ZNF800: variants seen among roughly 807,000 people sequenced by gnomAD.
ZNF800 encodes zinc finger protein 800.
A neutral mutation model predicts 59.5 loss-of-function variants in ZNF800; 13 were observed. The observed-to-expected ratio is 0.22, with a 90% CI of 0.14 to 0.35. The LOEUF (loss-of-function observed/expected upper bound fraction) is 0.35, where lower values mean the gene tolerates loss of function less well. Among genes scored for constraint, ZNF800 ranks in the 10% least tolerant of loss-of-function variants. The pLI, the probability that ZNF800 is intolerant of heterozygous loss-of-function variation, is 1.00. For synonymous variants in ZNF800, 266 were observed against 265.7 expected, an observed-to-expected ratio of 1.00 and a Z score of -0.01; for missense variants, 621 against 783.7, an observed-to-expected ratio of 0.79 and a Z score of 2.48.
rs574511576 is a variant in ZNF800, at chr7:127,364,280, G to C, written n.224+9062C>G. ...AACTTTCAACCGAAATGTAGGGGTAGAAAAAAATTACAGGTAGTTCACAAA... is the reference window on the plus strand; with the variant it reads ...AACTTTCAACCGAAATGTAGGGGTACAAAAAAATTACAGGTAGTTCACAAA... On this transcript the variant is annotated intron_variant and non_coding_transcript_variant, in intron 1 of 1. Transcript: ENST00000485577. 67 of 152,164 alleles carry C rather than the reference G, an allele frequency of 4.4e-4. 1 individual carries two copies. The highest frequency in any genetic ancestry group is 1.6e-3 in the African/African-American group (65 of 41,528). 9.4% of individuals were successfully genotyped at this position (152,164 alleles called of 1,614,324 possible). A position where few individuals can be genotyped will look rare whatever the true frequency, so the allele number is the denominator to read the frequency against.
intron 1 of ZNF800, among the ~76,000 whole-genome samples, chr7:127,353,830 T>C (rs762963814): frequency 4.7e-5 from 5 of 105,924 alleles, no homozygotes; most frequent in Non-Finnish European, 9.6e-5. Context: ...ATAATTGCAC[T>C]GATAGATAAG....
rs1358081168 is a variant in ZNF800, at chr7:127,374,021, C to A, written c.1315G>T (p.Glu439Ter). 6.2e-7 allele frequency: 1 copy of A among 1,613,410 alleles called. No individual in the cohort carries two copies. Among genetic ancestry groups the A allele is most frequent in the Non-Finnish European group, 8.5e-7 (1 of 1,179,810 alleles). Residue 439 changes from glutamate to a stop codon, truncating the protein, a stop_gained, in exon 5 of 6, where the codon GAA becomes TAA. Transcript: ENST00000265827. LOFTEE classifies it high-confidence loss of function. ...TGTGCTGCCGGTGTGTTCTTTTTTT[C>A]ATTTGAATGATTTGTTCCCTTTAAT... ...NELKGTNHSN[E>*]KKNTPAAQKN...
rs551554652 is a variant in ZNF800 at position 127,353,289 on chromosome 7, T to C, written n.225-5246A>G. 8.5e-5 allele frequency among the ~76,000 whole-genome samples: 13 copies of C among 152,334 alleles called. 1 individual carries two copies. The South Asian group carries it at 2.7e-3, about 32-fold the overall frequency. On this transcript the variant is annotated intron_variant and non_coding_transcript_variant, in intron 1 of 1. Coordinates refer to the ZNF800 transcript ENST00000485577. ...TCCATAGGAGAGAAACTTATAAATA[T>C]GGCAGGATCCTAACATGACTTAATC...
downstream of ZNF800, among the ~76,000 whole-genome samples, chr7:127,346,072 G>A (rs376858489): frequency 6.6e-6 from 1 of 152,284 alleles, no homozygotes; most frequent in East Asian, 1.9e-4. Flanking sequence ...GCTGGGATTC[G>A]GGGCATGACA....
chr7:127,356,732 A>G (rs906201132), intron 1 of ZNF800, among the ~76,000 whole-genome samples: 3 of 151,908 alleles, frequency 2.0e-5, no homozygotes, highest in Non-Finnish European at 2.9e-5. Context: ...AGAAAGAGAA[A>G]CCATTTTCAA....
intron 1 of ZNF800, among the ~76,000 whole-genome samples, chr7:127,352,948 T>A (rs1800195219): frequency 1.7e-5 from 1 of 58,654 alleles, no homozygotes; most frequent in Non-Finnish European, 3.1e-5. Flanking sequence ...ATGGAAATGA[T>A]GAGAAAAGGA....
At chr7:127,383,937 A>G (rs973345874) in intron 3 of ZNF800, among the ~76,000 whole-genome samples, 2 of 152,214 alleles carry the variant, frequency 1.3e-5, no homozygotes, top group Non-Finnish European at 2.9e-5. Flanking sequence ...TCGCAGTTCA[A>G]AACATCAACA....
downstream of ZNF800, among the ~76,000 whole-genome samples, chr7:127,365,054 T>C (rs1311178093): frequency 6.6e-6 from 1 of 152,140 alleles, no homozygotes; most frequent in African/African-American, 2.4e-5. Flanking sequence ...GCAAGCTGCA[T>C]TTCATGGAAT....
rs1009593504 is a variant in ZNF800, at chr7:127,373,693, T to C, written c.1643A>G (p.Tyr548Cys). ...TAAACTGGCTGTTATTTTCCCAAGATAACGAGATGACTTTTTATGAACCAC... is the reference window on the plus strand; with the variant it reads ...TAAACTGGCTGTTATTTTCCCAAGACAACGAGATGACTTTTTATGAACCAC... ...ITVVHKKSSR[Y>C]LGKITASLEI... Residue 548 changes from tyrosine (Y) to cysteine (C), a missense_variant, in exon 5 of 6, where the codon TAT becomes TGT. Coordinates refer to ENST00000265827, the MANE Select transcript of ZNF800 (RefSeq NM_176814.5). The C allele has an allele frequency of 1.7e-5, 27 of 1,614,052 alleles. No homozygotes were observed. Among genetic ancestry groups the C allele is most frequent in the Non-Finnish European group, 2.0e-5 (24 of 1,180,002 alleles).
In ZNF800 at chr7:127,380,357, T is replaced by TCC. The variant is rs1800938975; in HGVS notation, c.158-3029_158-3028insGG. 2.6e-5 allele frequency among the ~76,000 whole-genome samples: 4 copies of TCC among 152,320 alleles called. No individual in the cohort carries two copies. In the South Asian group the frequency reaches 8.3e-4, roughly 32 times the overall value. Reference sequence around the variant, plus strand: ...CAGAGCTCTATGTATTAAAAAAACCTTCTCTAAAAATTAGATTTTTTAAAT... The same window carrying TCC: ...CAGAGCTCTATGTATTAAAAAAACCTCCTCTCTAAAAATTAGATTTTTTAAAT... On this transcript the variant is annotated intron_variant, in intron 3 of 5. Transcript: ENST00000265827.
At chr7:127,375,617 T>C (rs947110239) in intron 4 of ZNF800, among the ~76,000 whole-genome samples, 1 of 152,098 alleles carries the variant, frequency 6.6e-6, no homozygotes, top group Admixed American at 6.5e-5. Context: ...CTATTACATG[T>C]CTTCTTAACA....
intron 1 of ZNF800, among the ~76,000 whole-genome samples, chr7:127,349,315 A>C (rs187621945): frequency 7.7e-4 from 117 of 152,338 alleles, no homozygotes; most frequent in Admixed American, 1.4e-3. Flanking sequence ...TAAAATTTTA[A>C]GTTAATACCT....
At position 127,374,769 on chromosome 7, in the gene ZNF800, T is replaced by C. The variant is rs968014510; in HGVS notation, c.567A>G (p.Glu189=). Residue 189 remains glutamate (E), a synonymous_variant, in exon 5 of 6, where the codon GAA becomes GAG. Coordinates refer to ENST00000265827, the MANE Select transcript of ZNF800 (RefSeq NM_176814.5). The part of the protein sequence containing the change: ...KTVPVTDTEV[E]TVEPPPVEIV... ...TCTCAACAGGAGGGGGCTCTACAGT[T>C]TCCACCTCTGTATCTGTAACCGGTA... 1.9e-6 allele frequency: 3 copies of C among 1,613,716 alleles called. No individual in the cohort carries two copies. Among genetic ancestry groups the C allele is most frequent in the African/African-American group, 2.7e-5 (2 of 74,898 alleles).
chr7:127,391,837 C>G (rs891373100), intron 1 of ZNF800, among the ~76,000 whole-genome samples: 13 of 151,982 alleles, frequency 8.6e-5, no homozygotes, highest in African/African-American at 2.7e-4. Context: ...GTGCGCAGCG[C>G]AGGGCGAAGG....
chr7:127,386,760 G>A (rs10251884), intron 2 of ZNF800, among the ~76,000 whole-genome samples: 142,304 of 152,316 alleles, frequency 0.93, 66,542 homozygotes, highest in East Asian at 1. Context: ...TAAATAAACT[G>A]TGAAATGTCC....
At chr7:127,378,142 G>A (rs1800840597) in intron 3 of ZNF800, among the ~76,000 whole-genome samples, 2 of 151,970 alleles carry the variant, frequency 1.3e-5, no homozygotes, top group African/African-American at 2.4e-5. Context: ...ATTTACAAGT[G>A]TAACGTATTC....
Position 127,392,706 on chromosome 7 carries a change from A to C in ZNF800, c.-705T>G, listed in dbSNP as rs1172324932. 1 of 152,666 alleles carries C rather than the reference A, an allele frequency of 6.6e-6. No homozygotes were observed. Among genetic ancestry groups the C allele is most frequent in the African/African-American group, 2.4e-5 (1 of 41,500 alleles). The allele number at this position is 152,666 out of a possible 1,614,324, so 9.5% of individuals were successfully genotyped here. ...CTCCGGCAGCGACAGGGAGCGACTG[A>C]CTGACCCCGGACGGAGATGGGGCGA... is the stretch of plus-strand genomic sequence containing the variant. On this transcript the variant is annotated 5_prime_UTR_variant, in exon 1 of 6. Coordinates refer to ENST00000265827, the MANE Select transcript of ZNF800 (RefSeq NM_176814.5).
chr7:127,371,891 A>G, intron 5 of ZNF800, 77 bp from the exon 6 acceptor site: 1 of 655,766 alleles, frequency 1.5e-6, no homozygotes, highest in African/African-American at 1.8e-5. Context: ...GCAACAGTAA[A>G]TTACTTCTAA....
chr7:127,366,092 C>A (rs893776844), downstream of ZNF800, among the ~76,000 whole-genome samples: 1 of 152,014 alleles, frequency 6.6e-6, no homozygotes, highest in Non-Finnish European at 1.5e-5. Flanking sequence ...TGGTAACTTG[C>A]CCACACTACA....
Sources: allele counts gnomAD v4.1 joint callset (sites outside exome capture counted in the v4.1 genomes callset), GRCh38; gene constraint gnomAD v4.1.1; transcripts MANE v1.5; gene names NCBI Gene and HGNC (gene_info 2026-07-23, HGNC 2026-07-21).